The following GPR35 variants were observed in gnomAD, a reference collection of about 807,000 sequenced individuals.
GPR35 encodes G protein-coupled receptor 35.
For synonymous variants in GPR35, 207 were observed against 198.4 expected (o/e 1.04, Z -0.36); for missense variants, 372 against 422.5 (o/e 0.88, Z 1.05).
Position 240,632,740 on chromosome 2 carries a change from C to T in GPR35, c.*1858C>T, listed in dbSNP as rs889164435. 6.6e-6 allele frequency among the ~76,000 whole-genome samples: 1 copy of T among 152,142 alleles called. No homozygotes were observed. Among genetic ancestry groups the T allele is most frequent in the African/African-American group, 2.4e-5 (1 of 41,412 alleles). Reference sequence around the variant, plus strand: ...GCCCATGCCCAGGAGGGTCCATGCCCAGGCCAGTTCATGCACAGGAGGGCC... The same window carrying T: ...GCCCATGCCCAGGAGGGTCCATGCCTAGGCCAGTTCATGCACAGGAGGGCC... On this transcript the variant is annotated 3_prime_UTR_variant, in exon 2 of 2. Coordinates refer to ENST00000407714, the MANE Select transcript of GPR35 (RefSeq NM_005301.5).
chr2:240,623,576 C>T (rs1159770388), upstream of GPR35, among the ~76,000 whole-genome samples: 2 of 151,836 alleles, frequency 1.3e-5, no homozygotes, highest in African/African-American at 2.4e-5. Context: ...AGAGAAACAG[C>T]GCTCTGGAGG....
upstream of GPR35, among the ~76,000 whole-genome samples, chr2:240,621,042 G>T (rs1168296263): frequency 6.6e-6 from 1 of 152,088 alleles, no homozygotes; most frequent in Non-Finnish European, 1.5e-5. Context: ...AACAGAAAGT[G>T]CTGAGGGTGA....
chr2:240,607,853 C>A (rs2043149734), intron 2 of GPR35, among the ~76,000 whole-genome samples: 1 of 151,232 alleles, frequency 6.6e-6, no homozygotes, highest in Non-Finnish European at 1.5e-5. Context: ...CTTCCTCCTC[C>A]TCCTCCTCCT....
intron 2 of GPR35, among the ~76,000 whole-genome samples, chr2:240,607,939 T>TG (rs1465259160): frequency 2.0e-5 from 3 of 152,090 alleles, no homozygotes; most frequent in Admixed American, 6.6e-5. Context: ...TTGCCCAGGC[T>TG]GGAGTACAGT....
chr2:240,630,939 G>T lies in GPR35; in HGVS notation c.*57G>T. ...TCGGGGGCTCCGGGAGGTGCTGCCT[G>T]CCAGGGGAAGCTGGAACCAGTAGCA... On this transcript the variant is annotated 3_prime_UTR_variant, in exon 2 of 2. Coordinates refer to ENST00000407714, the MANE Select transcript of GPR35 (RefSeq NM_005301.5). The T allele has an allele frequency of 7.0e-7, 1 of 1,436,320 alleles. No individual in the cohort carries two copies. Among genetic ancestry groups the T allele is most frequent in the South Asian group, 1.2e-5 (1 of 82,242 alleles). 89.0% of individuals were successfully genotyped at this position (1,436,320 alleles called of 1,614,324 possible).
rs1371881514 is a variant in GPR35 at position 240,630,942 on chromosome 2, A to G, written c.*60A>G. On this transcript the variant is annotated 3_prime_UTR_variant, in exon 2 of 2. Transcript: ENST00000407714. ...GGGGCTCCGGGAGGTGCTGCCTGCCAGGGGAAGCTGGAACCAGTAGCAAGG... is the reference window on the plus strand; with the variant it reads ...GGGGCTCCGGGAGGTGCTGCCTGCCGGGGGAAGCTGGAACCAGTAGCAAGG... 2 of 1,434,820 alleles carry G rather than the reference A, an allele frequency of 1.4e-6. No individual in the cohort carries two copies. The highest frequency in any genetic ancestry group is 2.4e-5 in the South Asian group (2 of 82,082). The allele number at this position is 1,434,820 out of a possible 1,614,324, so 88.9% of individuals were successfully genotyped here. A position where few individuals can be genotyped will look rare whatever the true frequency, so the allele number is the denominator to read the frequency against.
chr2:240,630,567 CGTGG>C lies in GPR35; in HGVS notation c.617_620del (p.Val206GlyfsTer31). The C allele has an allele frequency of 6.2e-7, 1 of 1,612,828 alleles. No homozygotes were observed. Among genetic ancestry groups the C allele is most frequent in the Non-Finnish European group, 8.5e-7 (1 of 1,179,898 alleles). ...CCCTGGCCCAGAGGCCACCCACCGA[CGTGG>C]GGCAGGCAGAGGCCACCCGCAAGGC... On this transcript the variant is annotated frameshift_variant, in exon 2 of 2. Transcript: ENST00000407714. LOFTEE classifies it low-confidence loss of function (END_TRUNC).
chr2:240,625,144 T>G (rs2043354005), upstream of GPR35: 1 of 503,678 alleles, frequency 2.0e-6, no homozygotes, highest in Non-Finnish European at 2.6e-6. Context: ...CCTGGGAAGG[T>G]TTCCGAGATG....
At chr2:240,615,304 G>A (rs1279135084) in intron 2 of GPR35, among the ~76,000 whole-genome samples, 1 of 152,168 alleles carries the variant, frequency 6.6e-6, no homozygotes, top group East Asian at 1.9e-4. Context: ...ATGTAGACCC[G>A]TGAGTCCCTT....
chr2:240,625,959 A>AGGCTGTGATGGGTTCTCAGAGCG (rs2043369498), intron 1 of GPR35, among the ~76,000 whole-genome samples: 2 of 6,696 alleles, frequency 3.0e-4, no homozygotes, highest in African/African-American at 8.1e-4. Flanking sequence ...TTCTCAGAGC[A>AGGCTGTGATGGGTTCTCAGAGCG]GGGTGAGGCT....
chr2:240,621,231 A>G (rs1424064019), upstream of GPR35, among the ~76,000 whole-genome samples: 1 of 151,566 alleles, frequency 6.6e-6, no homozygotes, highest in Non-Finnish European at 1.5e-5. Context: ...GATAAACCGT[A>G]ATGTGTTGTT....
chr2:240,609,722 T>A (rs533889042), intron 2 of GPR35, among the ~76,000 whole-genome samples: 1 of 152,306 alleles, frequency 6.6e-6, no homozygotes, highest in Non-Finnish European at 1.5e-5. Context: ...TAAACATCAG[T>A]TTGGATAAGA....
rs1575471936 is a variant in GPR35 at position 240,631,682 on chromosome 2, T to C, written c.*800T>C. Among the ~76,000 whole-genome samples the C allele has an allele frequency of 6.6e-6, 1 of 152,048 alleles. No homozygotes were observed. The highest frequency in any genetic ancestry group is 2.4e-5 in the African/African-American group (1 of 41,380). Reference sequence around the variant, plus strand: ...AAACCATGTCTGGCAGGGGCAGGGGTTGGGTGCCCACTCAGGTAAAGGCAC... The same window carrying C: ...AAACCATGTCTGGCAGGGGCAGGGGCTGGGTGCCCACTCAGGTAAAGGCAC... On this transcript the variant is annotated 3_prime_UTR_variant, in exon 2 of 2. Coordinates refer to ENST00000407714, the MANE Select transcript of GPR35 (RefSeq NM_005301.5).
Position 240,630,277 on chromosome 2 carries a change from G to A in GPR35, c.325G>A (p.Ala109Thr), listed in dbSNP as rs765965063. 1 of 1,565,662 alleles carries A rather than the reference G, an allele frequency of 6.4e-7. No homozygotes were observed. Among genetic ancestry groups the A allele is most frequent in the South Asian group, 1.2e-5 (1 of 85,486 alleles). ...NRYMSISLVT[A>T]IAVDRYVAVR... ...GTACATGAGCATCAGCCTGGTCACG[G>A]CCATCGCCGTGGACCGCTATGTGGC... The change falls in exon 2 of 2, where the codon GCC becomes ACC. Residue 109 changes from alanine (A) to threonine (T), a missense_variant. By Grantham distance (58) the Ala-to-Thr change is moderately conservative. Coordinates refer to ENST00000407714, the MANE Select transcript of GPR35 (RefSeq NM_005301.5).
In GPR35 at chr2:240,611,356, A is replaced by G. The variant is rs143232644; in HGVS notation, c.-577+4744A>G. Among the ~76,000 whole-genome samples, 254 of 151,960 alleles carry G rather than the reference A, an allele frequency of 1.7e-3. 1 individual carries two copies. Among genetic ancestry groups the G allele is most frequent in the Non-Finnish European group, 1.1e-3 (76 of 67,944 alleles). ...GTTGGGTTTGAACCTACCATCTGCT[A>G]TTTGTTTCCTATTCATCTCCTCTGT... On this transcript the variant is annotated intron_variant, in intron 2 of 5. Transcript: ENST00000319838.
chr2:240,631,262 G>A lies in GPR35; in HGVS notation c.*380G>A, dbSNP rs2043445809. 3.8e-6 allele frequency: 1 copy of A among 265,694 alleles called. No individual in the cohort carries two copies. The highest frequency in any genetic ancestry group is 7.7e-6 in the Non-Finnish European group (1 of 129,782). The allele number at this position is 265,694 out of a possible 1,614,324, so 16.5% of individuals were successfully genotyped here. ...CTCCCCACCCAGAGTCAGTCCTAGTGGGGCCCTCTGTGTTTCGCACTCGTG... is the reference window on the plus strand; with the variant it reads ...CTCCCCACCCAGAGTCAGTCCTAGTAGGGCCCTCTGTGTTTCGCACTCGTG... On this transcript the variant is annotated 3_prime_UTR_variant, in exon 2 of 2. Coordinates refer to ENST00000407714, the MANE Select transcript of GPR35 (RefSeq NM_005301.5).
At position 240,625,575 on chromosome 2, in the gene GPR35, G is replaced by A; in HGVS notation, c.-5+7G>A. ...AGGCCAAAGCTGCCTGCAGGTCAGT[G>A]CCGCCCACTGCCCTAGGGGCCTCCC... On this transcript the variant is annotated splice_region_variant and intron_variant, in intron 1 of 1. Coordinates refer to ENST00000407714, the MANE Select transcript of GPR35 (RefSeq NM_005301.5). 1 of 985,784 alleles carries A rather than the reference G, an allele frequency of 1.0e-6. No homozygotes were observed. The highest frequency in any genetic ancestry group is 1.2e-6 in the Non-Finnish European group (1 of 829,860). 61.1% of individuals were successfully genotyped at this position (985,784 alleles called of 1,614,324 possible).
upstream of GPR35, among the ~76,000 whole-genome samples, chr2:240,624,440 G>A (rs2043345599): frequency 6.6e-6 from 1 of 152,198 alleles, no homozygotes; most frequent in East Asian, 1.9e-4. Flanking sequence ...CAGCAGAGAA[G>A]GACCAATGCC....
chr2:240,606,093 G>A (rs1392142839), intron 1 of GPR35, among the ~76,000 whole-genome samples: 2 of 152,140 alleles, frequency 1.3e-5, no homozygotes, highest in Non-Finnish European at 2.9e-5. Flanking sequence ...TTCCTCTCTA[G>A]TCCCCAGCAG....
Sources: gnomAD v4.1 joint callset for allele counts (sites outside exome capture counted in the v4.1 genomes callset) on GRCh38, gnomAD v4.1.1 for gene constraint, MANE v1.5 for transcripts, NCBI Gene and HGNC (gene_info 2026-07-23, HGNC 2026-07-21) for gene names.